The following KLRG1 variants were observed in gnomAD, a reference collection of about 807,000 sequenced individuals.
KLRG1 encodes killer cell lectin-like receptor subfamily G member 1.
A neutral mutation model predicts 21.8 loss-of-function variants in KLRG1; 16 were observed. That is an observed-to-expected ratio of 0.73 (90% confidence interval 0.50 to 1.11). KLRG1 has a LOEUF of 1.11. KLRG1 is among the 50% of genes most tolerant of loss of function. The pLI is 0.00. For missense variants in KLRG1, 173 were observed against 218.3 expected, an observed-to-expected ratio of 0.79 and a Z score of 1.31; for synonymous variants, 69 against 75.9, an observed-to-expected ratio of 0.91 and a Z score of 0.47.
intron 1 of KLRG1, among the ~76,000 whole-genome samples, chr12:8,969,183 A>G (rs1486599218): frequency 6.6e-6 from 1 of 152,228 alleles, no homozygotes; most frequent in Non-Finnish European, 1.5e-5. Context: ...TGGCTCCTCC[A>G]GCCAGGCTGA....
chr12:9,012,040 C>G (rs747798746), downstream of KLRG1, among the ~76,000 whole-genome samples: 9 of 152,194 alleles, frequency 5.9e-5, no homozygotes, highest in Admixed American at 1.3e-4. Flanking sequence ...GAAAGGCAAT[C>G]TAGGCTACAA....
chr12:9,213,605 T>G, the KLRG1 span, among the ~76,000 whole-genome samples: 1 of 152,164 alleles, frequency 6.6e-6, no homozygotes, highest in Non-Finnish European at 1.5e-5. Context: ...TATTCTCATG[T>G]GCTTACTGAC....
chr12:9,125,603 A>G, the KLRG1 span, among the ~76,000 whole-genome samples: 1 of 152,230 alleles, frequency 6.6e-6, no homozygotes, highest in South Asian at 2.1e-4. Flanking sequence ...CTGAAATATT[A>G]TACATTGCAG....
chr12:8,992,199 G>T lies in KLRG1; in HGVS notation c.83-7G>T. The T allele has an allele frequency of 6.2e-7, 1 of 1,605,394 alleles. No homozygotes were observed. Among genetic ancestry groups the T allele is most frequent in the East Asian group, 2.2e-5 (1 of 44,768 alleles). ...CTCAGGATTGTGCTTTGACTCTGTT[G>T]TTGCAGCTTCCTCTTCCAGGCCTTC... On this transcript the variant is annotated splice_region_variant and splice_polypyrimidine_tract_variant and intron_variant, in intron 1 of 4. Transcript: ENST00000356986.
chr12:9,165,454 CAAG>C, the KLRG1 span: 1 of 1,445,750 alleles, frequency 6.9e-7, no homozygotes. Flanking sequence ...AAGCTAACGT[CAAG>C]AACTGAATCC....
At chr12:9,051,119 C>T in the KLRG1 span, among the ~76,000 whole-genome samples, 5 of 152,346 alleles carry the variant, frequency 3.3e-5, no homozygotes, top group South Asian at 1.0e-3. Flanking sequence ...AATCGGCACA[C>T]ACTTCCTCCC....
At chr12:9,070,320 A>G in the KLRG1 span, among the ~76,000 whole-genome samples, 21 of 152,372 alleles carry the variant, frequency 1.4e-4, no homozygotes, top group South Asian at 4.4e-3. Flanking sequence ...TGCTCTGCAC[A>G]TGGTCAGCAT....
At chr12:9,167,528 C>T in the KLRG1 span, 2 of 151,854 alleles carry the variant, frequency 1.3e-5, no homozygotes, top group African/African-American at 4.9e-5. Context: ...GGTGGGGGTT[C>T]CTTCCGTTGC....
chr12:9,204,190 A>T, the KLRG1 span, among the ~76,000 whole-genome samples: 1 of 152,176 alleles, frequency 6.6e-6, no homozygotes, highest in African/African-American at 2.4e-5. Context: ...GCTTTCCAAG[A>T]TGTTACAATT....
chr12:8,995,361 T>G, intron 3 of KLRG1, 73 bp downstream of exon 3: 1 of 1,245,200 alleles, frequency 8.0e-7, no homozygotes, highest in Non-Finnish European at 1.1e-6. Flanking sequence ...GCTATTTAAA[T>G]GTATCATGTA....
chr12:9,110,498 G>A, the KLRG1 span, among the ~76,000 whole-genome samples: 27 of 151,858 alleles, frequency 1.8e-4, no homozygotes, highest in Non-Finnish European at 2.8e-4. Context: ...GGATTTGTTC[G>A]TAACACAAAG....
chr12:9,044,771 A>G, the KLRG1 span, among the ~76,000 whole-genome samples: 1 of 152,214 alleles, frequency 6.6e-6, no homozygotes, highest in Admixed American at 6.5e-5. Context: ...TAGAGGGAGT[A>G]TAGATTTGTG....
At chr12:9,133,956 G>A in the KLRG1 span, among the ~76,000 whole-genome samples, 1 of 152,220 alleles carries the variant, frequency 6.6e-6, no homozygotes, top group Admixed American at 6.5e-5. Flanking sequence ...AAACTGGTCT[G>A]TGGAGGAGGG....
chr12:9,042,290 C>T, the KLRG1 span, among the ~76,000 whole-genome samples: 3 of 152,080 alleles, frequency 2.0e-5, no homozygotes, highest in African/African-American at 7.2e-5. Flanking sequence ...GGATTGAAAA[C>T]AAAACTGTTT....
chr12:9,085,974 AATG>A, the KLRG1 span, among the ~76,000 whole-genome samples: 9 of 152,208 alleles, frequency 5.9e-5, no homozygotes, highest in Admixed American at 5.9e-4. Flanking sequence ...ACTGACAAAT[AATG>A]AGTAAAGAGA....
chr12:9,076,272 C>A, the KLRG1 span, among the ~76,000 whole-genome samples: 2 of 152,192 alleles, frequency 1.3e-5, no homozygotes, highest in African/African-American at 2.4e-5. Context: ...GTGACATGTA[C>A]TCTACTAAGT....
At chr12:9,153,375 G>A in the KLRG1 span, 1 of 1,573,692 alleles carries the variant, frequency 6.4e-7, no homozygotes, top group Non-Finnish European at 8.7e-7. Flanking sequence ...CCGCCCCAAA[G>A]AGTAAATTTT....
chr12:9,145,790 T>C, the KLRG1 span, among the ~76,000 whole-genome samples: 1 of 152,204 alleles, frequency 6.6e-6, no homozygotes, highest in Non-Finnish European at 1.5e-5. Context: ...CTCCTCCATT[T>C]TTGATGGACA....
the KLRG1 span, among the ~76,000 whole-genome samples, chr12:9,211,231 A>G: frequency 1.3e-5 from 2 of 151,972 alleles, no homozygotes; most frequent in Non-Finnish European, 2.9e-5. Context: ...GACTCCCATA[A>G]TATGTGTATT....
Sources: gnomAD v4.1 joint callset for allele counts (sites outside exome capture counted in the v4.1 genomes callset) on GRCh38, gnomAD v4.1.1 for gene constraint, MANE v1.5 for transcripts, NCBI Gene and HGNC (gene_info 2026-07-23, HGNC 2026-07-21) for gene names.